The following TENM4 variants were observed in gnomAD, a reference collection of about 807,000 sequenced individuals.
TENM4 encodes teneurin transmembrane protein 4.
Under a neutral mutation model 243.3 loss-of-function variants are expected in TENM4, and 82 were observed. The ratio of observed to expected loss-of-function variants is 0.34; its 90% CI spans 0.28 to 0.40. TENM4 has a LOEUF of 0.40. TENM4 is among the 10% of genes least tolerant of loss of function. The probability of loss-of-function intolerance (pLI) is 1.00; values close to 1 mark genes in which losing one functional copy is unlikely to be tolerated. For synonymous variants in TENM4, 1,412 were observed against 1,456.3 expected (o/e 0.97, Z 0.69); for missense variants, 3,138 against 3,673.3 (o/e 0.85, Z 3.77).
intron 1 of TENM4, among the ~76,000 whole-genome samples, chr11:79,348,004 C>A (rs1214641395): frequency 6.6e-6 from 1 of 151,978 alleles, no homozygotes; most frequent in African/African-American, 2.4e-5. Flanking sequence ...TGGTCTCGAT[C>A]TCCGGACCTC....
At chr11:79,418,760 T>G (rs966376766) in intron 1 of TENM4, among the ~76,000 whole-genome samples, 1 of 152,194 alleles carries the variant, frequency 6.6e-6, no homozygotes, top group Non-Finnish European at 1.5e-5. Context: ...CCCTGTACAT[T>G]TACACCCCAC....
intron 3 of TENM4, among the ~76,000 whole-genome samples, chr11:79,179,725 A>G (rs1000862768): frequency 1.3e-5 from 2 of 151,854 alleles, no homozygotes; most frequent in Admixed American, 6.6e-5. Context: ...AAGTTTGAAG[A>G]CCAAGCGAGT....
intron 1 of TENM4, among the ~76,000 whole-genome samples, chr11:79,333,339 C>T (rs1857092634): frequency 6.6e-6 from 1 of 152,166 alleles, no homozygotes; most frequent in African/African-American, 2.4e-5. Flanking sequence ...TCCAACTTCC[C>T]CTCTACTTTG....
At chr11:79,261,148 C>A (rs1296214530) in intron 2 of TENM4, among the ~76,000 whole-genome samples, 1 of 152,158 alleles carries the variant, frequency 6.6e-6, no homozygotes, top group Non-Finnish European at 1.5e-5. Flanking sequence ...AATTTCTGAC[C>A]TGAGCCATGG....
chr11:78,855,070 A>G (rs1207954281), intron 11 of TENM4, among the ~76,000 whole-genome samples: 1 of 152,200 alleles, frequency 6.6e-6, no homozygotes, highest in Non-Finnish European at 1.5e-5. Context: ...CTAGCTAGCT[A>G]GCTTTAAAAA....
intron 27 of TENM4, among the ~76,000 whole-genome samples, chr11:78,707,612 C>G (rs1361508950): frequency 6.6e-6 from 1 of 152,224 alleles, no homozygotes; most frequent in Non-Finnish European, 1.5e-5. Context: ...ATGCTGTTTC[C>G]TTTGTGTGAA....
At chr11:79,359,161 G>T (rs1050492851) in intron 1 of TENM4, among the ~76,000 whole-genome samples, 3 of 152,136 alleles carry the variant, frequency 2.0e-5, no homozygotes, top group African/African-American at 7.2e-5. Context: ...AGCTACTTGG[G>T]AGGCTGAGGC....
chr11:78,669,920 G>C lies in TENM4; in HGVS notation c.6425C>G (p.Thr2142Ser). 1 of 1,613,820 alleles carries C rather than the reference G, an allele frequency of 6.2e-7. No homozygotes were observed. The highest frequency in any genetic ancestry group is 8.5e-7 in the Non-Finnish European group (1 of 1,179,866). The change falls in exon 32 of 34, where the codon ACC becomes AGC. Residue 2142 changes from threonine (T) to serine (S), a missense_variant. Around this residue, in one of 2 missense-constraint regions of TENM4, gnomAD observed 2,467 missense variants for 3,059.1 expected, o/e 0.81. Coordinates refer to ENST00000278550, the MANE Select transcript of TENM4 (RefSeq NM_001098816.3). This position sits in a 1 kb window ranked among gnomAD's most constrained non-coding sequence, Gnocchi z 6.4. ...CCTGCCATATGCATCAAAATGCTTG[G>C]TGTGGGTCATGACAGCTGTGGTGAT... ...QIITTAVMTHTKHFDAYGRMK... is the reference protein window; with the variant it reads ...QIITTAVMTHSKHFDAYGRMK...
At chr11:79,048,457 GCCCTGATCCTGGACCCCA>G (rs1480856957) in intron 6 of TENM4, among the ~76,000 whole-genome samples, 1 of 152,146 alleles carries the variant, frequency 6.6e-6, no homozygotes, top group African/African-American at 2.4e-5. Context: ...CTAGAGCAAA[GCCCTGATCCTGGACCCCA>G]CCCCCAAATC....
At chr11:78,722,992 A>C in intron 23 of TENM4, 75 bp from the exon 24 acceptor site, 1 of 1,573,500 alleles carries the variant, frequency 6.4e-7, no homozygotes, top group Non-Finnish European at 8.7e-7. Context: ...CCACAGAGTC[A>C]CCTGATTTTG....
At position 78,805,461 on chromosome 11, in the gene TENM4, C is replaced by T; in HGVS notation, c.2010G>A (p.Arg670=). 1 of 1,589,936 alleles carries T rather than the reference C, an allele frequency of 6.3e-7. No homozygotes were observed. Among genetic ancestry groups the T allele is most frequent in the Non-Finnish European group, 8.6e-7 (1 of 1,167,800 alleles). ...VDCMDPTCSG[R]GVCVRGECHC... is the part of the protein sequence containing the mutation. ...GGCATTCGCCTCTCACGCAGACACCCCGGCCTGAACATGTGGGGTCCATGC... is the reference window on the plus strand; with the variant it reads ...GGCATTCGCCTCTCACGCAGACACCTCGGCCTGAACATGTGGGGTCCATGC... The change falls in exon 15 of 34, where the codon CGG becomes CGA. Residue 670 remains arginine, a synonymous_variant. Coordinates refer to ENST00000278550, the MANE Select transcript of TENM4 (RefSeq NM_001098816.3).
At chr11:78,881,711 T>C (rs931950229) in intron 9 of TENM4, among the ~76,000 whole-genome samples, 2 of 152,220 alleles carry the variant, frequency 1.3e-5, no homozygotes, top group Non-Finnish European at 2.9e-5. Flanking sequence ...AAGGGCACTG[T>C]CAAACTCTTC....
intron 6 of TENM4, among the ~76,000 whole-genome samples, chr11:78,984,182 ATC>A (rs1857867072): frequency 6.6e-6 from 1 of 152,184 alleles, no homozygotes; most frequent in Non-Finnish European, 1.5e-5. Flanking sequence ...AGGTGACTTA[ATC>A]TCTCTGAGCC....
intron 25 of TENM4, among the ~76,000 whole-genome samples, chr11:78,716,352 C>T (rs1051478234): frequency 6.6e-6 from 1 of 152,194 alleles, no homozygotes; most frequent in Non-Finnish European, 1.5e-5. Flanking sequence ...TGTGTCTCCA[C>T]TAGAGCTTAC....
At chr11:78,986,818 T>C (rs1281489637) in intron 6 of TENM4, among the ~76,000 whole-genome samples, 2 of 152,052 alleles carry the variant, frequency 1.3e-5, no homozygotes, top group Non-Finnish European at 2.9e-5. Context: ...AGGTGATCCA[T>C]CCACCTTGGC....
Position 78,951,897 on chromosome 11 carries a change from G to A in TENM4, c.494-48374C>T, listed in dbSNP as rs111504369. ...TACATAAAAGTAAAGTTCACTTCCA[G>A]ATAAGCCTGAATGTGCAAACTTGCC... On this transcript the variant is annotated intron_variant, in intron 6 of 33. Transcript: ENST00000278550. Among the ~76,000 whole-genome samples the A allele has an allele frequency of 1.3e-3, 201 of 152,298 alleles. 1 individual carries two copies. Among genetic ancestry groups the A allele is most frequent in the African/African-American group, 4.5e-3 (188 of 41,576 alleles).
chr11:78,658,010 G>A lies in TENM4; in HGVS notation c.*48C>T, dbSNP rs1372557182. Reference sequence around the variant, plus strand: ...AAAGTACAACACAGTCAGGTATGCGGCCACAAAAGAGTAGCTGTCTTTGGC... The same window carrying A: ...AAAGTACAACACAGTCAGGTATGCGACCACAAAAGAGTAGCTGTCTTTGGC... On this transcript the variant is annotated 3_prime_UTR_variant, in exon 34 of 34. Coordinates refer to ENST00000278550, the MANE Select transcript of TENM4 (RefSeq NM_001098816.3). 1 of 1,608,328 alleles carries A rather than the reference G, an allele frequency of 6.2e-7. No individual in the cohort carries two copies. Among genetic ancestry groups the A allele is most frequent in the South Asian group, 1.1e-5 (1 of 90,832 alleles).
At chr11:78,900,222 A>C (rs977468827) in intron 7 of TENM4, among the ~76,000 whole-genome samples, 1 of 152,366 alleles carries the variant, frequency 6.6e-6, no homozygotes, top group Admixed American at 6.5e-5. Context: ...GTTGTGCAGC[A>C]ATAGATAATC....
At chr11:79,241,758 T>C (rs1855423876) in intron 2 of TENM4, among the ~76,000 whole-genome samples, 1 of 151,788 alleles carries the variant, frequency 6.6e-6, no homozygotes, top group African/African-American at 2.4e-5. Context: ...GGGCGGAGGT[T>C]GGTAGGGTTA....
Sources: gnomAD v4.1 joint callset for allele counts (sites outside exome capture counted in the v4.1 genomes callset) on GRCh38, gnomAD v4.1.1 for gene constraint, gnomAD v4.1.1 regional missense constraint, Gnocchi (gnomAD v3.1) non-coding constraint, MANE v1.5 for transcripts, NCBI Gene and HGNC (gene_info 2026-07-23, HGNC 2026-07-21) for gene names.